Variants in PPEF1 observed in about 807,000 individuals in gnomAD.
PPEF1 encodes the protein protein phosphatase with EF-hand domain 1, also known as serine/threonine-protein phosphatase with EF-hands 1.
In PPEF1, 12 loss-of-function variants were observed where a neutral mutation model predicts 53.3. The observed-to-expected ratio is 0.23, with a 90% CI of 0.14 to 0.36. The LOEUF (loss-of-function observed/expected upper bound fraction) is 0.36, where lower values mean the gene tolerates loss of function less well. Among genes scored for constraint, PPEF1 ranks in the 10% least tolerant of loss-of-function variants. The probability of loss-of-function intolerance (pLI) is 1.00; values close to 1 mark genes in which losing one functional copy is unlikely to be tolerated. For missense variants in PPEF1, 334 were observed against 490.4 expected (o/e 0.68, Z 3.01); for synonymous variants, 165 against 176.7 (o/e 0.93, Z 0.52).
upstream of PPEF1, among the ~76,000 whole-genome samples, chrX:18,682,155 G>A (rs1417905511): frequency 1.8e-5 from 2 of 112,638 alleles, no homozygotes; most frequent in African/African-American, 6.4e-5. Flanking sequence ...GCGCAGGTGC[G>A]CACTGCTGCC....
chrX:18,757,898 TG>T (rs1312446640), intron 5 of PPEF1, among the ~76,000 whole-genome samples, 157 bp downstream of exon 5: 2 of 112,375 alleles, frequency 1.8e-5, no homozygotes, highest in Admixed American at 9.5e-5. Flanking sequence ...ATCTTGTCTT[TG>T]TTTTGCATAC....
At chrX:18,769,021 A>G (rs1434152867) in intron 6 of PPEF1, among the ~76,000 whole-genome samples, 1 of 112,414 alleles carries the variant, frequency 8.9e-6, no homozygotes, top group Non-Finnish European at 1.9e-5. Flanking sequence ...GTGGTGCCCT[A>G]CAATAAATGA....
At chrX:18,685,870 C>T (rs747119870) in intron 2 of PPEF1, among the ~76,000 whole-genome samples, 2 of 111,002 alleles carry the variant, frequency 1.8e-5, no homozygotes, top group Non-Finnish European at 3.8e-5. Context: ...CTCTCCTGGA[C>T]GTGTTTACAA....
In PPEF1 at chrX:18,807,969, AT is replaced by A. The variant is rs377271718; in HGVS notation, c.1394+1440del. Among the ~76,000 whole-genome samples, 699 of 75,803 alleles carry A rather than the reference AT, an allele frequency of 9.2e-3. 12 individuals are homozygous for A. The highest frequency in any genetic ancestry group is 0.031 in the African/African-American group (584 of 18,991). 65.8% of individuals were successfully genotyped at this position (75,803 alleles called of 115,157 possible). On this transcript the variant is annotated intron_variant, in intron 12 of 15. Coordinates refer to ENST00000470157, the MANE Select transcript of PPEF1 (RefSeq NM_001377996.1). The stretch of plus-strand genomic sequence containing the variant: ...GCTACCACGCCCAGCCTGTACGTAC[AT>A]TTTTTTTTTTTTTTTGAGACGGAGT...
chrX:18,711,374 C>T (rs945503979), intron 1 of PPEF1, among the ~76,000 whole-genome samples: 2 of 110,207 alleles, frequency 1.8e-5, no homozygotes, highest in Non-Finnish European at 3.8e-5. Flanking sequence ...ACAATGTATG[C>T]TACTTGGGTA....
At chrX:18,682,768 T>C (rs1928926847), upstream of PPEF1, among the ~76,000 whole-genome samples, 1 of 111,766 alleles carries the variant, frequency 8.9e-6, no homozygotes, top group African/African-American at 3.3e-5. Flanking sequence ...CTGAAAGTTT[T>C]GGTTGTTCTC....
At chrX:18,785,309 C>G (rs767681600) in intron 9 of PPEF1, among the ~76,000 whole-genome samples, 11 of 111,890 alleles carry the variant, frequency 9.8e-5, no homozygotes, top group African/African-American at 3.6e-4. Context: ...TGTTTGTTTA[C>G]TATCTTCCTC....
intron 12 of PPEF1, among the ~76,000 whole-genome samples, chrX:18,809,407 T>TA (rs1246434255): frequency 5.5e-5 from 6 of 110,082 alleles, no homozygotes; most frequent in Non-Finnish European, 1.1e-4. Flanking sequence ...ACCATCTGTT[T>TA]TAAAAAAAAT....
At chrX:18,688,501 T>C (rs939844127) in intron 3 of PPEF1, 2 of 112,976 alleles carry the variant, frequency 1.8e-5, no homozygotes, top group Non-Finnish European at 3.7e-5. Flanking sequence ...TCTTTAAAAC[T>C]ATTTCATAAA....
chrX:18,678,543 G>T (rs969796106), upstream of PPEF1, among the ~76,000 whole-genome samples: 1 of 111,749 alleles, frequency 8.9e-6, no homozygotes, highest in Non-Finnish European at 1.9e-5. Context: ...TCTTAGATTG[G>T]TCTGGTGCTC....
chrX:18,728,470 G>A (rs1319843194), intron 1 of PPEF1, among the ~76,000 whole-genome samples: 3 of 110,641 alleles, frequency 2.7e-5, no homozygotes, highest in Non-Finnish European at 3.8e-5. Flanking sequence ...GGGGGAAACC[G>A]CCCCCATGAT....
intron 1 of PPEF1, 88 bp downstream of exon 1, chrX:18,707,914 C>A: frequency 1.1e-6 from 1 of 881,212 alleles, no homozygotes; most frequent in Non-Finnish European, 1.6e-6. Flanking sequence ...TTTACTCCCA[C>A]GATGCTCAAG....
Position 18,676,935 on chromosome X carries a change from G to A in PPEF1, c.-587+805G>A, listed in dbSNP as rs754671795. The stretch of plus-strand genomic sequence containing the variant: ...TGTCCCTCTGTTGCATGCGACACAG[G>A]TATCTGCCTTTGGTGAAAAACTCTT... On this transcript the variant is annotated intron_variant, in intron 1 of 20. Coordinates refer to the PPEF1 transcript ENST00000689646. Among the ~76,000 whole-genome samples the A allele has an allele frequency of 2.7e-5, 3 of 111,373 alleles. No individual in the cohort carries two copies. In the East Asian group the frequency reaches 8.4e-4, roughly 31 times the overall value.
In PPEF1 at chrX:18,803,960, G is replaced by A; in HGVS notation, c.1134G>A (p.Gly378=). The A allele has an allele frequency of 8.3e-7, 1 of 1,208,103 alleles. No individual in the cohort carries two copies. The highest frequency in any genetic ancestry group is 3.0e-5 in the East Asian group (1 of 33,719). The part of the protein sequence containing the change: ...NGCFPNTCRG[G]GCYFGPDVTS... ...GTTTTCCAAATACGTGCCGAGGAGGGGGCTGCTATTTTGGACCAGATGTTA... is the reference window on the plus strand; with the variant it reads ...GTTTTCCAAATACGTGCCGAGGAGGAGGCTGCTATTTTGGACCAGATGTTA... The change falls in exon 11 of 16, where the codon GGG becomes GGA. Residue 378 remains glycine, a synonymous_variant. Coordinates refer to ENST00000470157, the MANE Select transcript of PPEF1 (RefSeq NM_001377996.1).
intron 3 of PPEF1, among the ~76,000 whole-genome samples, chrX:18,747,172 A>T (rs1307616370): frequency 2.7e-5 from 3 of 111,509 alleles, no homozygotes; most frequent in Admixed American, 9.6e-5. Context: ...TGGGAGAGGA[A>T]AGCATCGCCA....
chrX:18,802,558 A>T (rs1460880633), intron 10 of PPEF1, among the ~76,000 whole-genome samples: 2 of 111,833 alleles, frequency 1.8e-5, no homozygotes, highest in Non-Finnish European at 3.8e-5. Flanking sequence ...GAGGGGGGAA[A>T]AGTGAAGGAG....
At chrX:18,806,575 A>G (rs780834430) in intron 12 of PPEF1, 30 bp downstream of exon 12, 1 of 1,162,700 alleles carries the variant, frequency 8.6e-7, no homozygotes, top group South Asian at 2.1e-5. Flanking sequence ...AGTGCTGAGC[A>G]CTGGTATCAC....
At chrX:18,719,348 T>C (rs959386453) in intron 1 of PPEF1, among the ~76,000 whole-genome samples, 1 of 108,423 alleles carries the variant, frequency 9.2e-6, no homozygotes, top group Non-Finnish European at 1.9e-5. Context: ...ATCTTTTTTT[T>C]TTTTTTTTTC....
chrX:18,763,135 T>C (rs111394972), intron 6 of PPEF1, among the ~76,000 whole-genome samples: 5 of 111,923 alleles, frequency 4.5e-5, no homozygotes, highest in African/African-American at 1.3e-4. Context: ...AACTAAGGTC[T>C]GAGTCCTGAA....
Sources: allele counts gnomAD v4.1 joint callset (sites outside exome capture counted in the v4.1 genomes callset), GRCh38; gene constraint gnomAD v4.1.1; transcripts MANE v1.5; gene names NCBI Gene and HGNC (gene_info 2026-07-23, HGNC 2026-07-21).